GLIS3: variants seen among roughly 807,000 people sequenced by gnomAD.
The protein encoded by GLIS3 is zinc finger protein GLIS3.
A neutral mutation model predicts 78.6 loss-of-function variants in GLIS3; 53 were observed. The observed-to-expected ratio is 0.67, with a 90% confidence interval of 0.54 to 0.85. The LOEUF is 0.85. Ranked by LOEUF, GLIS3 falls within the 40% of genes least tolerant of loss-of-function variation. The pLI, the probability that GLIS3 is intolerant of heterozygous loss-of-function variation, is 0.00. For synonymous variants in GLIS3, 684 were observed against 509.9 expected, an observed-to-expected ratio of 1.34 and a Z score of -4.60; for missense variants, 1,703 against 1,231.1, an observed-to-expected ratio of 1.38 and a Z score of -5.74.
chr9:4,047,370 A>G (rs1352431899), intron 4 of GLIS3, among the ~76,000 whole-genome samples: 1 of 152,162 alleles, frequency 6.6e-6, no homozygotes, highest in Non-Finnish European at 1.5e-5. Flanking sequence ...GTGAAAACGG[A>G]CTAATACAAT....
At chr9:4,159,681 T>C (rs574169923) in intron 2 of GLIS3, among the ~76,000 whole-genome samples, 1 of 151,098 alleles carries the variant, frequency 6.6e-6, no homozygotes, top group South Asian at 2.1e-4. Flanking sequence ...ATCGCACCAG[T>C]GCACTCCAGC....
chr9:4,292,285 C>A (rs1055814748), intron 1 of GLIS3, among the ~76,000 whole-genome samples: 2 of 152,144 alleles, frequency 1.3e-5, no homozygotes, highest in African/African-American at 4.8e-5. Flanking sequence ...TATTGGAGTG[C>A]ATCAAATATA....
At position 4,286,273 on chromosome 9, in the gene GLIS3, C is replaced by T. The variant is rs377079453; in HGVS notation, c.153G>A (p.Met51Ile). 1.2e-6 allele frequency: 2 copies of T among 1,614,200 alleles called. No individual in the cohort carries two copies. The highest frequency in any genetic ancestry group is 2.2e-5 in the East Asian group (1 of 44,880). The change falls in exon 2 of 11, where the codon ATG (methionine) becomes ATA (isoleucine). Residue 51 changes from methionine (M) to isoleucine (I), a missense_variant. By Grantham distance (10) the Met-to-Ile change is conservative (BLOSUM62 1). Transcript: ENST00000381971. Reference sequence around the variant, plus strand: ...GATGGAGGTTGTTAGCAAGGCTTGCCATAGTGGGACTCGATGTGCTGCCAC... The same window carrying T: ...GATGGAGGTTGTTAGCAAGGCTTGCTATAGTGGGACTCGATGTGCTGCCAC... ...SPCGSTSSPT[M>I]ASLANNLHLK... is the part of the protein sequence containing the mutation.
chr9:4,200,041 A>C (rs1819225323), intron 2 of GLIS3, among the ~76,000 whole-genome samples: 1 of 152,202 alleles, frequency 6.6e-6, no homozygotes, highest in Non-Finnish European at 1.5e-5. Flanking sequence ...AAATTAACTT[A>C]CTTCAGAATG....
At chr9:3,854,671 G>T (rs1819646356) in intron 9 of GLIS3, among the ~76,000 whole-genome samples, 1 of 151,484 alleles carries the variant, frequency 6.6e-6, no homozygotes. Context: ...CAAGTAGCTG[G>T]GACTACAAGC....
chr9:4,052,973 A>G (rs766851769), intron 4 of GLIS3, among the ~76,000 whole-genome samples: 1 of 152,128 alleles, frequency 6.6e-6, no homozygotes, highest in Admixed American at 6.6e-5. Context: ...TTTTTGAAAG[A>G]GTCTCGCTGT....
rs565446547 is a variant in GLIS3 at position 4,027,705 on chromosome 9, C to T, written c.1710+90063G>A. 9.8e-5 allele frequency among the ~76,000 whole-genome samples: 15 copies of T among 152,342 alleles called. No individual in the cohort carries two copies. In the East Asian group the frequency reaches 2.9e-3, roughly 29 times the overall value. On this transcript the variant is annotated intron_variant, in intron 4 of 10. Coordinates refer to ENST00000381971, the MANE Select transcript of GLIS3 (RefSeq NM_001042413.2). ...CATACTGAAATCATTTCAGCAATCA[C>T]ATTTGACAGCTCTCTAGAATCCTGT...
the GLIS3 span, among the ~76,000 whole-genome samples, chr9:4,396,550 T>C: frequency 6.6e-6 from 1 of 152,226 alleles, no homozygotes; most frequent in African/African-American, 2.4e-5. Context: ...ACAAAATTTC[T>C]AGTTTCCTTT....
rs560510325 is a variant in GLIS3 at position 3,980,030 on chromosome 9, G to T, written c.1711-42841C>A. 3.9e-5 allele frequency among the ~76,000 whole-genome samples: 6 copies of T among 152,214 alleles called. No homozygotes were observed. In the South Asian group the frequency reaches 1.2e-3, roughly 32 times the overall value. ...GTTTAGGAGTCTGGGGTCAGAGGAG[G>T]TCTCCCCCAAAAAGTGACCTTAGGA... On this transcript the variant is annotated intron_variant, in intron 4 of 10. Transcript: ENST00000381971.
intron 4 of GLIS3, among the ~76,000 whole-genome samples, chr9:4,007,689 C>A (rs1336073544): frequency 1.3e-5 from 2 of 152,070 alleles, no homozygotes; most frequent in African/African-American, 4.8e-5. Flanking sequence ...CATGGGCACA[C>A]ATACACACAT....
intron 2 of GLIS3, among the ~76,000 whole-genome samples, chr9:4,196,851 G>C (rs1818904764): frequency 1.3e-5 from 2 of 152,150 alleles, no homozygotes; most frequent in African/African-American, 4.8e-5. Context: ...GTCCAGCTTG[G>C]CAACCTGGAA....
chr9:4,052,486 C>A (rs923322315), intron 4 of GLIS3, among the ~76,000 whole-genome samples: 2 of 152,192 alleles, frequency 1.3e-5, no homozygotes, highest in African/African-American at 4.8e-5. Flanking sequence ...AGCCACTCCT[C>A]ATTCCCCACT....
chr9:4,237,926 T>C (rs1822922248), intron 2 of GLIS3, among the ~76,000 whole-genome samples: 1 of 152,216 alleles, frequency 6.6e-6, no homozygotes, highest in African/African-American at 2.4e-5. Context: ...GCCCAGCAGC[T>C]GCAAGGGACA....
At chr9:4,400,411 T>C in the GLIS3 span, among the ~76,000 whole-genome samples, 1 of 152,216 alleles carries the variant, frequency 6.6e-6, no homozygotes, top group Non-Finnish European at 1.5e-5. Flanking sequence ...TGGAACTTCT[T>C]AAATTATTTT....
intron 4 of GLIS3, among the ~76,000 whole-genome samples, chr9:3,990,347 T>A (rs578046613): frequency 6.6e-6 from 1 of 152,340 alleles, no homozygotes; most frequent in African/African-American, 2.4e-5. Flanking sequence ...TGGCAATTAC[T>A]GATACCAACA....
intron 7 of GLIS3, among the ~76,000 whole-genome samples, chr9:3,893,085 T>C (rs1484903001): frequency 6.6e-6 from 1 of 152,062 alleles, no homozygotes; most frequent in Non-Finnish European, 1.5e-5. Flanking sequence ...CCTGATCCTC[T>C]CCCTCCTCCC....
intron 6 of GLIS3, among the ~76,000 whole-genome samples, chr9:3,923,102 G>C (rs1824998174): frequency 1.3e-5 from 2 of 152,212 alleles, no homozygotes; most frequent in South Asian, 2.1e-4. Context: ...GTCATAGTTG[G>C]ATAAGCCACT....
chr9:4,266,461 G>A (rs1194119577), intron 2 of GLIS3, among the ~76,000 whole-genome samples: 1 of 152,102 alleles, frequency 6.6e-6, no homozygotes, highest in Non-Finnish European at 1.5e-5. Context: ...ATGCAATAGT[G>A]ACTTTGTTTC....
intron 2 of GLIS3, among the ~76,000 whole-genome samples, chr9:4,207,387 T>C (rs1586978366): frequency 6.6e-6 from 1 of 152,218 alleles, no homozygotes; most frequent in Non-Finnish European, 1.5e-5. Context: ...TGGTGATTTA[T>C]GCTCCTCCAC....
Sources: allele counts gnomAD v4.1 joint callset (sites outside exome capture counted in the v4.1 genomes callset), GRCh38; gene constraint gnomAD v4.1.1; transcripts MANE v1.5; gene names NCBI Gene and HGNC (gene_info 2026-07-23, HGNC 2026-07-21).